The following RFX3 variants were observed in gnomAD, a reference collection of about 807,000 sequenced individuals.
RFX3 encodes transcription factor RFX3.
A neutral mutation model predicts 98.6 loss-of-function variants in RFX3; 14 were observed. The ratio of observed to expected loss-of-function variants is 0.14; its 90% CI spans 0.09 to 0.22. RFX3 has a LOEUF of 0.22. RFX3 is among the 10% of genes least tolerant of loss of function. The probability of loss-of-function intolerance (pLI) is 1.00; values close to 1 mark genes in which losing one functional copy is unlikely to be tolerated. For synonymous variants in RFX3, 383 were observed against 328.4 expected, an observed-to-expected ratio of 1.17 and a Z score of -1.80; for missense variants, 639 against 926.9, an observed-to-expected ratio of 0.69 and a Z score of 4.03.
At position 3,219,744 on chromosome 9, in the gene RFX3, A is replaced by C. The variant is rs936047772; in HGVS notation, c.*5298T>G. ...GAAGAATTCAAAAGAAGAGAGTTAA[A>C]TTAAAACCCTTTGAGTATTGCATGT... On this transcript the variant is annotated 3_prime_UTR_variant, in exon 17 of 17. Coordinates refer to ENST00000617270, the MANE Select transcript of RFX3 (RefSeq NM_001282116.2). 2.6e-5 allele frequency: 4 copies of C among 152,198 alleles called. No individual in the cohort carries two copies. Among genetic ancestry groups the C allele is most frequent in the African/African-American group, 9.6e-5 (4 of 41,458 alleles). 9.4% of individuals were successfully genotyped at this position (152,198 alleles called of 1,614,324 possible).
intron 1 of RFX3, among the ~76,000 whole-genome samples, chr9:3,404,996 C>A (rs1383537644): frequency 6.6e-6 from 1 of 152,148 alleles, no homozygotes; most frequent in Non-Finnish European, 1.5e-5. Context: ...CACTAAGGAA[C>A]AATCTTTTAA....
At chr9:3,462,350 C>T (rs1014570207) in intron 1 of RFX3, among the ~76,000 whole-genome samples, 1 of 151,992 alleles carries the variant, frequency 6.6e-6, no homozygotes, top group African/African-American at 2.4e-5. Flanking sequence ...ATTTAACATT[C>T]ACTCATAAAT....
At chr9:3,508,295 C>T (rs1157570405) in intron 1 of RFX3, among the ~76,000 whole-genome samples, 1 of 151,906 alleles carries the variant, frequency 6.6e-6, no homozygotes, top group Non-Finnish European at 1.5e-5. Flanking sequence ...CAATTTAAGG[C>T]TTGCAAGTAT....
chr9:3,246,947 A>G (rs749794867), intron 15 of RFX3: 77 of 541,160 alleles, frequency 1.4e-4, no homozygotes, highest in Non-Finnish European at 1.8e-4. Flanking sequence ...CATTTTATTT[A>G]TACTAGAATA....
chr9:3,300,940 T>C (rs1013747864), intron 5 of RFX3, among the ~76,000 whole-genome samples: 2 of 150,272 alleles, frequency 1.3e-5, no homozygotes, highest in African/African-American at 5.0e-5. Context: ...GGCATAGTAA[T>C]GGTAGTTTTA....
intron 15 of RFX3, among the ~76,000 whole-genome samples, chr9:3,242,225 G>A (rs1203214880): frequency 6.6e-6 from 1 of 152,114 alleles, no homozygotes; most frequent in Non-Finnish European, 1.5e-5. Context: ...TCTTTTGCAA[G>A]GTTTCAATCA....
chr9:3,245,422 G>A (rs149842023), intron 15 of RFX3, among the ~76,000 whole-genome samples: 73 of 152,258 alleles, frequency 4.8e-4, no homozygotes, highest in African/African-American at 1.7e-3. Context: ...GGCAGGGCCA[G>A]ATCATGCAAG....
intron 3 of RFX3, among the ~76,000 whole-genome samples, chr9:3,339,190 CATG>C (rs1315891187): frequency 6.6e-6 from 1 of 151,884 alleles, no homozygotes; most frequent in African/African-American, 2.4e-5. Flanking sequence ...GGCCGTTGCT[CATG>C]ATAACATTAC....
At chr9:3,469,759 T>C (rs563783519) in intron 1 of RFX3, among the ~76,000 whole-genome samples, 3 of 151,596 alleles carry the variant, frequency 2.0e-5, no homozygotes, top group East Asian at 1.9e-4. Flanking sequence ...AAAATAATTA[T>C]AGTTTTAAAA....
chr9:3,300,905 A>C (rs750417556), intron 5 of RFX3, among the ~76,000 whole-genome samples: 3 of 151,872 alleles, frequency 2.0e-5, no homozygotes, highest in Non-Finnish European at 4.4e-5. Context: ...TGATATCTGC[A>C]TCTGATAACA....
At chr9:3,344,395 A>T (rs1054470054) in intron 3 of RFX3, among the ~76,000 whole-genome samples, 7 of 152,148 alleles carry the variant, frequency 4.6e-5, no homozygotes. Flanking sequence ...TAAAATCTGA[A>T]ATGCATGATG....
rs572532292 is a variant in RFX3 at position 3,223,920 on chromosome 9, A to G, written c.*1122T>C. The stretch of plus-strand genomic sequence containing the variant: ...TCCTACAGAATTGGGGATAAGTAAC[A>G]GTGAGGTGTGCCAGTTACACTGCCT... On this transcript the variant is annotated 3_prime_UTR_variant, in exon 17 of 17. Coordinates refer to ENST00000617270, the MANE Select transcript of RFX3 (RefSeq NM_001282116.2). 6.6e-6 allele frequency: 1 copy of G among 152,310 alleles called. No homozygotes were observed. The highest frequency in any genetic ancestry group is 2.1e-4 in the South Asian group (1 of 4,826). 9.4% of individuals were successfully genotyped at this position (152,310 alleles called of 1,614,324 possible). A position where few individuals can be genotyped will look rare whatever the true frequency, so the allele number is the denominator to read the frequency against.
chr9:3,288,494 C>T (rs1028487022), intron 6 of RFX3, among the ~76,000 whole-genome samples: 1 of 151,986 alleles, frequency 6.6e-6, no homozygotes, highest in African/African-American at 2.4e-5. Flanking sequence ...TTATAAACTT[C>T]CACTTAAATA....
At chr9:3,391,712 T>C (rs1189620954) in intron 2 of RFX3, among the ~76,000 whole-genome samples, 1 of 152,178 alleles carries the variant, frequency 6.6e-6, no homozygotes, top group Non-Finnish European at 1.5e-5. Flanking sequence ...TTATGGCTAG[T>C]GACACTGATT....
At chr9:3,358,636 C>T (rs987542696) in intron 2 of RFX3, among the ~76,000 whole-genome samples, 1 of 152,078 alleles carries the variant, frequency 6.6e-6, no homozygotes, top group Admixed American at 6.6e-5. Context: ...TGAATTACAG[C>T]ATATTTTGGC....
chr9:3,371,984 G>C (rs1157070891), intron 2 of RFX3, among the ~76,000 whole-genome samples: 1 of 152,104 alleles, frequency 6.6e-6, no homozygotes, highest in Non-Finnish European at 1.5e-5. Context: ...AGCCACAATA[G>C]AGATTACCTA....
intron 3 of RFX3, among the ~76,000 whole-genome samples, chr9:3,341,935 G>T (rs186920435): frequency 6.5e-4 from 99 of 152,234 alleles, no homozygotes; most frequent in African/African-American, 2.3e-3. Context: ...ATAATAAGAA[G>T]AAAGCATAAT....
chr9:3,232,775 AG>A (rs1283487447), intron 15 of RFX3, among the ~76,000 whole-genome samples: 132 of 134,502 alleles, frequency 9.8e-4, no homozygotes, highest in African/African-American at 3.1e-3. Flanking sequence ...AGAATCTGAG[AG>A]AGAGAGAGAG....
intron 1 of RFX3, among the ~76,000 whole-genome samples, chr9:3,470,041 T>C (rs962867848): frequency 6.6e-6 from 1 of 152,064 alleles, no homozygotes; most frequent in South Asian, 2.1e-4. Context: ...TCAAGAACCA[T>C]TAGTATAAAT....
Sources: gnomAD v4.1 joint callset for allele counts (sites outside exome capture counted in the v4.1 genomes callset) on GRCh38, gnomAD v4.1.1 for gene constraint, MANE v1.5 for transcripts, NCBI Gene and HGNC (gene_info 2026-07-23, HGNC 2026-07-21) for gene names.